SHTN1: variants seen among roughly 807,000 people sequenced by gnomAD.
SHTN1 encodes the protein shootin-1.
SHTN1 carries 42 observed loss-of-function variants against 83.1 expected under a neutral mutation model. The ratio of observed to expected loss-of-function variants is 0.51; its 90% CI spans 0.39 to 0.65. SHTN1 has a LOEUF of 0.65. Ranked by LOEUF, SHTN1 falls within the 30% of genes least tolerant of loss-of-function variation. The pLI is 0.00. For synonymous variants in SHTN1, 224 were observed against 247.7 expected (o/e 0.90, Z 0.90); for missense variants, 622 against 737.8 (o/e 0.84, Z 1.82).
intron 14 of SHTN1, among the ~76,000 whole-genome samples, chr10:116,908,891 C>T (rs1049081599): frequency 3.9e-5 from 6 of 152,162 alleles, no homozygotes; most frequent in Admixed American, 1.3e-4. Context: ...TCTCCATTTA[C>T]TGATGGATGT....
chr10:117,081,638 G>C (rs987224448), intron 1 of SHTN1, among the ~76,000 whole-genome samples: 1 of 145,864 alleles, frequency 6.9e-6, no homozygotes, highest in African/African-American at 2.6e-5. Flanking sequence ...ACCTCTGGTA[G>C]AATTCGGCTG....
chr10:117,123,832 C>G (rs923399566), intron 1 of SHTN1, among the ~76,000 whole-genome samples: 3 of 150,452 alleles, frequency 2.0e-5, no homozygotes, highest in Non-Finnish European at 4.4e-5. Flanking sequence ...CTGCTTGAAC[C>G]CGAGAGGCAG....
chr10:116,957,145 C>A (rs1850012450), intron 4 of SHTN1, among the ~76,000 whole-genome samples: 1 of 151,686 alleles, frequency 6.6e-6, no homozygotes, highest in South Asian at 2.1e-4. Flanking sequence ...TCTGAATTCA[C>A]AAATTTTGGC....
intron 1 of SHTN1, among the ~76,000 whole-genome samples, chr10:116,995,915 C>CTA (rs1851610740): frequency 6.6e-6 from 1 of 152,132 alleles, no homozygotes; most frequent in Admixed American, 6.5e-5. Context: ...CTATCTAAGA[C>CTA]TACTATAGGC....
At chr10:116,900,401 C>A in intron 16 of SHTN1, 1 of 743,686 alleles carries the variant, frequency 1.3e-6, no homozygotes, top group South Asian at 1.7e-5. Flanking sequence ...TTTTCACTGT[C>A]AATTCAACAC....
At chr10:116,965,980 A>C (rs1397860379) in intron 3 of SHTN1, among the ~76,000 whole-genome samples, 1 of 152,072 alleles carries the variant, frequency 6.6e-6, no homozygotes, top group Non-Finnish European at 1.5e-5. Context: ...ACAAATATTT[A>C]AAGTTTTCTT....
At chr10:117,067,434 GA>G (rs1304564021) in intron 1 of SHTN1, among the ~76,000 whole-genome samples, 1 of 152,116 alleles carries the variant, frequency 6.6e-6, no homozygotes, top group East Asian at 1.9e-4. Flanking sequence ...TCTACTAAAA[GA>G]AATACAAAAA....
chr10:117,070,099 G>T (rs1272468422), intron 1 of SHTN1, among the ~76,000 whole-genome samples: 1 of 144,956 alleles, frequency 6.9e-6, no homozygotes, highest in Non-Finnish European at 1.5e-5. Flanking sequence ...TAAAAGCCAT[G>T]GGAAAGTCTT....
intron 1 of SHTN1, among the ~76,000 whole-genome samples, chr10:117,116,522 A>G (rs1437666449): frequency 6.6e-6 from 1 of 152,136 alleles, no homozygotes; most frequent in African/African-American, 2.4e-5. Flanking sequence ...TCTTCCCAAA[A>G]AAATTAAAGA....
At chr10:117,122,347 C>T (rs987945714) in intron 1 of SHTN1, among the ~76,000 whole-genome samples, 23 of 152,016 alleles carry the variant, frequency 1.5e-4, no homozygotes, top group Admixed American at 2.6e-4. Flanking sequence ...ACCCAGCTAA[C>T]GTTTTTATTT....
chr10:116,979,762 C>T (rs1486610990), intron 1 of SHTN1, among the ~76,000 whole-genome samples: 1 of 152,202 alleles, frequency 6.6e-6, no homozygotes, highest in Non-Finnish European at 1.5e-5. Context: ...GCAGGTGTTC[C>T]CTGAAGTTCC....
chr10:116,945,107 T>C, intron 7 of SHTN1, 89 bp from the exon 8 acceptor site: 1 of 836,644 alleles, frequency 1.2e-6, no homozygotes, highest in Non-Finnish European at 1.9e-6. Context: ...GAAAAGATTT[T>C]TCATACCAGC....
intron 2 of SHTN1, among the ~76,000 whole-genome samples, chr10:117,017,338 A>C (rs538679716): frequency 2.9e-4 from 44 of 152,068 alleles, no homozygotes; most frequent in South Asian, 1.3e-3. Context: ...AAAAATACAA[A>C]AAATTAGCCG....
At chr10:117,075,406 C>T (rs138212761) in intron 1 of SHTN1, among the ~76,000 whole-genome samples, 27 of 152,304 alleles carry the variant, frequency 1.8e-4, no homozygotes, top group African/African-American at 6.0e-4. Context: ...ATCCTTCATT[C>T]ATTCAATTAT....
intron 1 of SHTN1, among the ~76,000 whole-genome samples, chr10:117,090,657 A>G (rs781472655): frequency 6.6e-6 from 1 of 152,234 alleles, no homozygotes; most frequent in Middle Eastern, 3.4e-3. Context: ...GTTTCATATG[A>G]TTGTGCCAGT....
chr10:117,076,361 C>G (rs1853153941), intron 1 of SHTN1, among the ~76,000 whole-genome samples: 1 of 152,080 alleles, frequency 6.6e-6, no homozygotes, highest in South Asian at 2.1e-4. Context: ...GAGTGCTGAA[C>G]TAAAGCCCAG....
chr10:116,990,092 A>G (rs1851364916), intron 1 of SHTN1, among the ~76,000 whole-genome samples: 1 of 152,128 alleles, frequency 6.6e-6, no homozygotes, highest in Non-Finnish European at 1.5e-5. Context: ...AGGGGAAGGT[A>G]AAAATTTTTC....
intron 2 of SHTN1, among the ~76,000 whole-genome samples, chr10:117,047,869 A>G (rs1052898923): frequency 1.3e-5 from 2 of 149,510 alleles, no homozygotes; most frequent in Non-Finnish European, 3.0e-5. Flanking sequence ...CACCCACCTC[A>G]GCCTCCCAAA....
intron 11 of SHTN1, among the ~76,000 whole-genome samples, chr10:116,923,134 G>T (rs1848622895): frequency 6.6e-6 from 1 of 152,152 alleles, no homozygotes; most frequent in South Asian, 2.1e-4. Flanking sequence ...GCAAGGAAAT[G>T]ATCACCATAA....
Sources: gnomAD v4.1 joint callset for allele counts (sites outside exome capture counted in the v4.1 genomes callset) on GRCh38, gnomAD v4.1.1 for gene constraint, MANE v1.5 for transcripts, NCBI Gene and HGNC (gene_info 2026-07-23, HGNC 2026-07-21) for gene names.